The following CCDC88A variants were observed in gnomAD, a reference collection of about 807,000 sequenced individuals.
The protein encoded by CCDC88A is coiled-coil and HOOK domain protein 88A.
A neutral mutation model predicts 234.3 loss-of-function variants in CCDC88A; 54 were observed. The observed-to-expected ratio is 0.23, with a 90% CI of 0.19 to 0.29. The LOEUF is 0.29. Among genes scored for constraint, CCDC88A ranks in the 10% least tolerant of loss-of-function variants. The probability of loss-of-function intolerance (pLI) is 1.00; values close to 1 mark genes in which losing one functional copy is unlikely to be tolerated. For synonymous variants in CCDC88A, 753 were observed against 737.8 expected (o/e 1.02, Z -0.33); for missense variants, 1,832 against 2,123.4 (o/e 0.86, Z 2.70).
chr2:55,335,159 C>T lies in CCDC88A; in HGVS notation c.1662G>A (p.Lys554=). The change falls in exon 15 of 33, where the codon AAG becomes AAA. Residue 554 remains lysine, a synonymous_variant. Coordinates refer to ENST00000436346, the MANE Select transcript of CCDC88A (RefSeq NM_001365480.1). This position sits in a 1 kb window ranked among gnomAD's most constrained non-coding sequence, Gnocchi z 4.5. ...GATGTTCATTTTCCTGTTCCAGTATCTTAATCTAATTTGAAAAGAAAATAA... is the reference window on the plus strand; with the variant it reads ...GATGTTCATTTTCCTGTTCCAGTATTTTAATCTAATTTGAAAAGAAAATAA... ...TLRENSERQI[K]ILEQENEHLN... 1 of 1,469,754 alleles carries T rather than the reference C, an allele frequency of 6.8e-7. No homozygotes were observed. Among genetic ancestry groups the T allele is most frequent in the Non-Finnish European group, 9.0e-7 (1 of 1,109,278 alleles). The allele number at this position is 1,469,754 out of a possible 1,614,324, so 91.0% of individuals were successfully genotyped here. A position where few individuals can be genotyped will look rare whatever the true frequency, so the allele number is the denominator to read the frequency against.
chr2:55,331,382 A>C (rs549161234), intron 16 of CCDC88A, among the ~76,000 whole-genome samples: 2 of 152,328 alleles, frequency 1.3e-5, no homozygotes, highest in East Asian at 3.8e-4. Flanking sequence ...TTTTGTTATT[A>C]CACAACTAAC....
chr2:55,389,489 G>C (rs1676229775), intron 2 of CCDC88A, among the ~76,000 whole-genome samples: 1 of 152,168 alleles, frequency 6.6e-6, no homozygotes, highest in South Asian at 2.1e-4. Flanking sequence ...ATGCAGGAAA[G>C]TCAAGAAATC....
At chr2:55,413,496 C>G (rs1343331288) in intron 2 of CCDC88A, among the ~76,000 whole-genome samples, 1 of 152,136 alleles carries the variant, frequency 6.6e-6, no homozygotes, top group Non-Finnish European at 1.5e-5. Context: ...GAACTGAACC[C>G]AAGTCTATGT....
intron 10 of CCDC88A, 68 bp downstream of exon 10, chr2:55,346,107 T>C: frequency 2.7e-6 from 3 of 1,092,580 alleles, no homozygotes; most frequent in South Asian, 1.7e-5. Flanking sequence ...GTTTATTAAC[T>C]GCATTTTAAA....
intron 2 of CCDC88A, among the ~76,000 whole-genome samples, chr2:55,412,037 A>G (rs1462968973): frequency 6.6e-6 from 1 of 152,214 alleles, no homozygotes; most frequent in Non-Finnish European, 1.5e-5. Context: ...TAAATTCTAC[A>G]GTACTAAAAC....
intron 3 of CCDC88A, among the ~76,000 whole-genome samples, chr2:55,377,398 T>A (rs1241664674): frequency 1.3e-5 from 2 of 151,146 alleles, no homozygotes; most frequent in Non-Finnish European, 2.9e-5. Flanking sequence ...ACTCAAGCAA[T>A]CCTCCTGTCT....
At chr2:55,390,969 G>A (rs1452238180) in intron 2 of CCDC88A, among the ~76,000 whole-genome samples, 1 of 152,196 alleles carries the variant, frequency 6.6e-6, no homozygotes, top group Non-Finnish European at 1.5e-5. Context: ...GTGGAAGCCT[G>A]TCTTGAAAAC....
rs373197729 is a variant in CCDC88A, at chr2:55,336,729, A to G, written c.1608T>C (p.Ala536=). ...NLSKDLMKEK[A]QLEKTIETLR... is the part of the protein sequence containing the mutation. ...GTGTTTCTATTGTTTTTTCAAGCTGAGCTTTCTCCTTCATTAGATCCTTGC... is the reference window on the plus strand; with the variant it reads ...GTGTTTCTATTGTTTTTTCAAGCTGGGCTTTCTCCTTCATTAGATCCTTGC... The change falls in exon 14 of 33, where the codon GCT becomes GCC. Residue 536 remains alanine (A), a synonymous_variant. Transcript: ENST00000436346. 1.9e-5 allele frequency: 30 copies of G among 1,600,610 alleles called. No individual in the cohort carries two copies. Among genetic ancestry groups the G allele is most frequent in the Non-Finnish European group, 2.5e-5 (29 of 1,173,696 alleles).
In CCDC88A at chr2:55,393,441, C is replaced by T. The variant is rs180909054; in HGVS notation, c.165-4555G>A. 1.8e-3 allele frequency among the ~76,000 whole-genome samples: 280 copies of T among 151,704 alleles called. 6 individuals carry two copies. The East Asian group carries it at 0.047, about 25-fold the overall frequency. ...GAGTAGCTGGGACTACAGGCACGTG[C>T]CACCACGCCCGGCTAATTTTTTTTG... On this transcript the variant is annotated intron_variant, in intron 2 of 32. Transcript: ENST00000436346.
chr2:55,343,638 T>C lies in CCDC88A; in HGVS notation c.1333+10A>G. On this transcript the variant is annotated intron_variant, in intron 12 of 32. Coordinates refer to ENST00000436346, the MANE Select transcript of CCDC88A (RefSeq NM_001365480.1). ...CGATTATCTATTTAAATTAAAAAAA[T>C]TGGGAATACCTTCGGAAAGTTCACT... The C allele has an allele frequency of 1.9e-6, 3 of 1,581,216 alleles. No homozygotes were observed. Among genetic ancestry groups the C allele is most frequent in the Non-Finnish European group, 2.6e-6 (3 of 1,167,508 alleles).
At chr2:55,295,549 T>C (rs1177355865) in intron 31 of CCDC88A, 48 bp downstream of exon 31, 1 of 1,614,030 alleles carries the variant, frequency 6.2e-7, no homozygotes, top group Non-Finnish European at 8.5e-7. Context: ...ATAGTATGTG[T>C]TGGGATGTCA....
chr2:55,384,581 GTATA>G (rs1291999071), intron 3 of CCDC88A, among the ~76,000 whole-genome samples: 1 of 94,472 alleles, frequency 1.1e-5, no homozygotes, highest in Admixed American at 1.2e-4. Context: ...GTATATATGT[GTATA>G]TATACACATA....
At chr2:55,413,935 G>C (rs1309076579) in intron 2 of CCDC88A, among the ~76,000 whole-genome samples, 1 of 148,740 alleles carries the variant, frequency 6.7e-6, no homozygotes, top group Admixed American at 6.8e-5. Flanking sequence ...CCGGGCAACA[G>C]AACAAGACCG....
At chr2:55,306,343 TAG>T (rs1186317588) in intron 25 of CCDC88A, 1 of 152,198 alleles carries the variant, frequency 6.6e-6, no homozygotes, top group Non-Finnish European at 1.5e-5. Context: ...AGGATTTGTA[TAG>T]ATTTACTTGG....
chr2:55,371,906 T>G (rs993566890), intron 5 of CCDC88A, among the ~76,000 whole-genome samples: 7 of 152,240 alleles, frequency 4.6e-5, no homozygotes, highest in African/African-American at 1.7e-4. Context: ...AGAAAATCTA[T>G]GTAAGGGATA....
chr2:55,303,512 G>C lies in CCDC88A; in HGVS notation c.4388-360C>G, dbSNP rs568871045. Among the ~76,000 whole-genome samples the C allele has an allele frequency of 1.4e-3, 212 of 151,662 alleles. 1 individual carries two copies. Among genetic ancestry groups the C allele is most frequent in the Non-Finnish European group, 9.6e-4 (65 of 67,970 alleles). ...TTCTCCTGCCTCAGCCTCCCTAGTA[G>C]CTGGAATTACAGGCATGTGCCAACA... On this transcript the variant is annotated intron_variant, in intron 25 of 32. Transcript: ENST00000436346.
At chr2:55,361,577 A>C (rs764537690) in intron 7 of CCDC88A, among the ~76,000 whole-genome samples, 3 of 152,244 alleles carry the variant, frequency 2.0e-5, no homozygotes, top group Non-Finnish European at 4.4e-5. Flanking sequence ...GTATTGATAC[A>C]AATTCTCTAT....
At chr2:55,344,600 T>C in intron 10 of CCDC88A, 86 bp from the exon 11 acceptor site, 2 of 751,310 alleles carry the variant, frequency 2.7e-6, no homozygotes, top group South Asian at 5.8e-5. Flanking sequence ...CATTAAGCCA[T>C]CTTTATCAAC....
In CCDC88A at chr2:55,419,157, G is replaced by C. The variant is rs1681942134; in HGVS notation, c.-78C>G. On this transcript the variant is annotated 5_prime_UTR_variant, in exon 1 of 33. Transcript: ENST00000436346. ...AATTGGTCACTAAACGTGGAAGTAAGTAGAAATCAATGAAAGTCCATTTCG... is the reference window on the plus strand; with the variant it reads ...AATTGGTCACTAAACGTGGAAGTAACTAGAAATCAATGAAAGTCCATTTCG... 2.3e-6 allele frequency: 2 copies of C among 861,896 alleles called. No individual in the cohort carries two copies. The highest frequency in any genetic ancestry group is 2.5e-5 in the East Asian group (1 of 40,064). The allele number at this position is 861,896 out of a possible 1,614,324, so 53.4% of individuals were successfully genotyped here.
Sources: gnomAD v4.1 joint callset for allele counts (sites outside exome capture counted in the v4.1 genomes callset) on GRCh38, gnomAD v4.1.1 for gene constraint, Gnocchi (gnomAD v3.1) non-coding constraint, MANE v1.5 for transcripts, NCBI Gene and HGNC (gene_info 2026-07-23, HGNC 2026-07-21) for gene names.